Variants in B2M observed in about 807,000 individuals in gnomAD.
B2M encodes the protein beta chain of MHC class I molecules.
In B2M, 3 loss-of-function variants were observed where a neutral mutation model predicts 14.5. The ratio of observed to expected loss-of-function variants is 0.21; its 90% CI spans 0.09 to 0.53. The LOEUF (loss-of-function observed/expected upper bound fraction) is 0.53. B2M is among the 20% of genes least tolerant of loss of function. The pLI is 0.95. For synonymous variants in B2M, 45 were observed against 52.7 expected (o/e 0.85, Z 0.64); for missense variants, 107 against 140.8 (o/e 0.76, Z 1.21).
intron 1 of B2M, chr15:44,711,874 G>A (rs2086874200): frequency 3.3e-6 from 2 of 607,626 alleles, no homozygotes; most frequent in South Asian, 1.9e-5. Flanking sequence ...CGACGGGAGG[G>A]TCGGGACAAA....
intron 3 of B2M, chr15:44,716,592 C>T (rs117487508): frequency 0.012 from 6,726 of 571,442 alleles, 63 homozygotes; most frequent in Non-Finnish European, 0.015. Flanking sequence ...AAAGGAACTG[C>T]CAGTATGGTA....
At chr15:44,716,395 G>A (rs2141289731) in intron 3 of B2M, 39 bp downstream of exon 3, 1 of 1,556,060 alleles carries the variant, frequency 6.4e-7, no homozygotes, top group East Asian at 2.2e-5. Context: ...TTGTTTCACT[G>A]TCCTGAGGAC....
At position 44,711,574 on chromosome 15, in the gene B2M, C is replaced by T. The variant is rs755159854; in HGVS notation, c.28C>T (p.Leu10Phe). The T allele has an allele frequency of 1.9e-6, 3 of 1,614,014 alleles. No individual in the cohort carries two copies. Among genetic ancestry groups the T allele is most frequent in the South Asian group, 2.2e-5 (2 of 91,084 alleles). The change falls in exon 1 of 4, where the codon CTC becomes TTC. Residue 10 changes from leucine (L) to phenylalanine (F), a missense_variant. Transcript: ENST00000648006. Reference protein sequence around the residue: MSRSVALAVLALLSLSGLEA... With the variant: MSRSVALAVFALLSLSGLEA... ...GTCTCGCTCCGTGGCCTTAGCTGTG[C>T]TCGCGCTACTCTCTCTTTCTGGCCT...
chr15:44,715,386 T>C lies in B2M; in HGVS notation c.68-37T>C, dbSNP rs1018092505. On this transcript the variant is annotated intron_variant, in intron 1 of 3. Transcript: ENST00000648006. Reference sequence around the variant, plus strand: ...CAAGTTAGCCCCAAGTGAAATACCCTGGCAATATTAATGTGTCTTTTCCCG... The same window carrying C: ...CAAGTTAGCCCCAAGTGAAATACCCCGGCAATATTAATGTGTCTTTTCCCG... 3 of 1,602,136 alleles carry C rather than the reference T, an allele frequency of 1.9e-6. No individual in the cohort carries two copies. The African/African-American group carries it at 4.0e-5, about 21-fold the overall frequency.
chr15:44,715,642 A>T lies in B2M; in HGVS notation c.287A>T (p.Asp96Val). 1 of 1,614,216 alleles carries T rather than the reference A, an allele frequency of 6.2e-7. No individual in the cohort carries two copies. The highest frequency in any genetic ancestry group is 8.5e-7 in the Non-Finnish European group (1 of 1,180,040). Reference sequence around the variant, plus strand: ...ACTGAATTCACCCCCACTGAAAAAGATGAGTATGCCTGCCGTGTGAACCAT... The same window carrying T: ...ACTGAATTCACCCCCACTGAAAAAGTTGAGTATGCCTGCCGTGTGAACCAT... ...YYTEFTPTEKDEYACRVNHVT... is the reference protein window; with the variant it reads ...YYTEFTPTEKVEYACRVNHVT... The change falls in exon 2 of 4, where the codon GAT becomes GTT. Residue 96 changes from aspartate (D) to valine (V), a missense_variant. Asp to Val is a radical substitution (Grantham distance 152, BLOSUM62 -3). Coordinates refer to ENST00000648006, the MANE Select transcript of B2M (RefSeq NM_004048.4).
intron 1 of B2M, chr15:44,713,811 T>A (rs573511933): frequency 6.6e-6 from 1 of 152,308 alleles, no homozygotes; most frequent in South Asian, 2.1e-4. Context: ...GATTCCCCAA[T>A]CCACCTCTTG....
chr15:44,711,745 C>A, intron 1 of B2M, 132 bp downstream of exon 1: 1 of 1,193,332 alleles, frequency 8.4e-7, no homozygotes, highest in Non-Finnish European at 1.2e-6. Flanking sequence ...TGGGGCTAGT[C>A]CAGGGCTGGA....
chr15:44,716,427 T>C lies in B2M; in HGVS notation c.*14+71T>C, dbSNP rs377509849. 49 of 1,421,710 alleles carry C rather than the reference T, an allele frequency of 3.4e-5. No homozygotes were observed. In the African/African-American group the frequency reaches 6.6e-4, roughly 19 times the overall value. 88.1% of individuals were successfully genotyped at this position (1,421,710 alleles called of 1,614,324 possible). A position where few individuals can be genotyped will look rare whatever the true frequency, so the allele number is the denominator to read the frequency against. On this transcript the variant is annotated intron_variant, in intron 3 of 3. Transcript: ENST00000648006. ...GGACTATTTATAGACAGCTCTAACA[T>C]GATAACCCTCACTATGTGGAGAACA...
At chr15:44,711,655 G>A (rs1337925013) in intron 1 of B2M, 42 bp downstream of exon 1, 7 of 1,583,932 alleles carry the variant, frequency 4.4e-6, no homozygotes, top group Non-Finnish European at 6.1e-6. Flanking sequence ...TTCCTCTCCC[G>A]CTCTGCACCC....
intron 1 of B2M, chr15:44,713,606 A>T (rs188115778): frequency 6.6e-6 from 1 of 152,326 alleles, no homozygotes; most frequent in East Asian, 1.9e-4. Flanking sequence ...CCTGTCTGAT[A>T]CTTGTCCTCT....
At chr15:44,716,306 T>C (rs369518558) in intron 2 of B2M, 23 bp from the exon 3 acceptor site, 3 of 1,609,032 alleles carry the variant, frequency 1.9e-6, no homozygotes, top group Middle Eastern at 1.6e-4. Flanking sequence ...CTTCCTTTTT[T>C]TTCTCCACTG....
In B2M at chr15:44,716,346, G is replaced by A; in HGVS notation, c.*4G>A. 6.2e-7 allele frequency: 1 copy of A among 1,612,396 alleles called. No individual in the cohort carries two copies. Among genetic ancestry groups the A allele is most frequent in the South Asian group, 1.1e-5 (1 of 91,040 alleles). ...TTTCATAGATCGAGACATGTAAGCA[G>A]CATCATGGAGGTAAGTTTTTGACCT... is the stretch of plus-strand genomic sequence containing the variant. On this transcript the variant is annotated 3_prime_UTR_variant, in exon 3 of 4. Coordinates refer to ENST00000648006, the MANE Select transcript of B2M (RefSeq NM_004048.4).
chr15:44,715,076 G>T, intron 1 of B2M: 1 of 397,326 alleles, frequency 2.5e-6, no homozygotes, highest in Non-Finnish European at 4.7e-6. Context: ...GGAATGCTAT[G>T]AGTGCTGAGA....
chr15:44,715,331 A>G, intron 1 of B2M, 92 bp from the exon 2 acceptor site: 12 of 1,425,764 alleles, frequency 8.4e-6, no homozygotes, highest in Non-Finnish European at 1.2e-5. Context: ...GACCAAATGT[A>G]AACACTTGGT....
intron 3 of B2M, chr15:44,716,649 G>A (rs140392921): frequency 3.1e-5 from 15 of 485,780 alleles, no homozygotes; most frequent in African/African-American, 2.7e-4. Flanking sequence ...GCAAGGCTTT[G>A]ATCTTTCTTC....
intron 3 of B2M, chr15:44,717,226 C>G (rs1451772676): frequency 6.6e-6 from 1 of 152,136 alleles, no homozygotes; most frequent in Admixed American, 6.5e-5. Flanking sequence ...CATGGTATAG[C>G]CTATTGCTCC....
At chr15:44,716,460 A>C in intron 3 of B2M, 104 bp downstream of exon 3, 1 of 1,246,276 alleles carries the variant, frequency 8.0e-7, no homozygotes, top group African/African-American at 1.5e-5. Context: ...ACATTGACAG[A>C]GTAACATTTT....
At chr15:44,711,697 T>C in intron 1 of B2M, 84 bp downstream of exon 1, 1 of 1,482,308 alleles carries the variant, frequency 6.7e-7, no homozygotes, top group Non-Finnish European at 9.3e-7. Context: ...TCTCGCTCCG[T>C]GACTTCCCTT....
chr15:44,718,009 G>A lies in B2M; in HGVS notation c.*417G>A, dbSNP rs1407993426. 1 of 152,144 alleles carries A rather than the reference G, an allele frequency of 6.6e-6. No homozygotes were observed. Among genetic ancestry groups the A allele is most frequent in the Non-Finnish European group, 1.5e-5 (1 of 68,034 alleles). The allele number at this position is 152,144 out of a possible 1,614,324, so 9.4% of individuals were successfully genotyped here. A position where few individuals can be genotyped will look rare whatever the true frequency, so the allele number is the denominator to read the frequency against. On this transcript the variant is annotated 3_prime_UTR_variant, in exon 4 of 4. Transcript: ENST00000648006. ...AGAAATATAATTGACAGGATTATTGGAAATTTGTTATAATGAATGAAACAT... is the reference window on the plus strand; with the variant it reads ...AGAAATATAATTGACAGGATTATTGAAAATTTGTTATAATGAATGAAACAT...
Sources: gnomAD v4.1 joint callset for allele counts on GRCh38, gnomAD v4.1.1 for gene constraint, MANE v1.5 for transcripts, NCBI Gene and HGNC (gene_info 2026-07-23, HGNC 2026-07-21) for gene names.